Variants in ALDH1L1 observed in about 807,000 individuals in gnomAD.
ALDH1L1 encodes the protein aldehyde dehydrogenase 1 family member L1, also known as cytosolic 10-formyltetrahydrofolate dehydrogenase.
Under a neutral mutation model 101.1 loss-of-function variants are expected in ALDH1L1, and 68 were observed. That is an observed-to-expected ratio of 0.67 (90% CI 0.55 to 0.82). ALDH1L1 has a LOEUF of 0.82. Ranked by LOEUF, ALDH1L1 falls within the 40% of genes least tolerant of loss-of-function variation. The pLI is 0.00. For synonymous variants in ALDH1L1, 486 were observed against 470.8 expected (o/e 1.03, Z -0.42); for missense variants, 1,087 against 1,172.7 (o/e 0.93, Z 1.07).
intron 14 of ALDH1L1, chr3:126,129,542 T>G (rs1292011497): frequency 6.6e-6 from 1 of 152,386 alleles, no homozygotes; most frequent in Non-Finnish European, 1.5e-5. Flanking sequence ...AGATCATGGA[T>G]CAGGGCTGCA....
chr3:126,124,645 A>C (rs908745360), intron 15 of ALDH1L1, among the ~76,000 whole-genome samples, 194 bp from the exon 16 acceptor site: 1 of 152,194 alleles, frequency 6.6e-6, no homozygotes, highest in Non-Finnish European at 1.5e-5. Context: ...CCACAGCACC[A>C]GCTGGGAATC....
In ALDH1L1 at chr3:126,137,663, G is replaced by A. The variant is rs575011783; in HGVS notation, c.1224+150C>T. 4.0e-5 allele frequency: 45 copies of A among 1,127,302 alleles called. 1 individual carries two copies. In the South Asian group the frequency reaches 4.3e-4, roughly 11 times the overall value. 69.8% of individuals were successfully genotyped at this position (1,127,302 alleles called of 1,614,324 possible). A position where few individuals can be genotyped will look rare whatever the true frequency, so the allele number is the denominator to read the frequency against. The stretch of plus-strand genomic sequence containing the variant: ...TGTACTGACATCCCCAGGCTATCCC[G>A]GGTGCAGGGAGAGTGTGGGAAACTG... On this transcript the variant is annotated intron_variant, in intron 10 of 22. Transcript: ENST00000393434.
chr3:126,142,329 C>T (rs981223612), intron 9 of ALDH1L1, among the ~76,000 whole-genome samples: 1 of 152,192 alleles, frequency 6.6e-6, no homozygotes, highest in African/African-American at 2.4e-5. Flanking sequence ...GAGAACACAT[C>T]TTCAACTCTG....
intron 19 of ALDH1L1, among the ~76,000 whole-genome samples, chr3:126,110,490 G>C (rs1396634802): frequency 2.0e-5 from 3 of 152,148 alleles, no homozygotes; most frequent in African/African-American, 7.2e-5. Flanking sequence ...TGTTTGTCCG[G>C]GGGACTCCAG....
At chr3:126,149,282 A>G (rs144787917) in intron 8 of ALDH1L1, among the ~76,000 whole-genome samples, 58 of 152,326 alleles carry the variant, frequency 3.8e-4, no homozygotes, top group African/African-American at 1.4e-3. Context: ...AAACCTCTTC[A>G]TGTGTGTTAT....
chr3:126,112,454 T>C (rs189184885), intron 19 of ALDH1L1, among the ~76,000 whole-genome samples: 41 of 152,326 alleles, frequency 2.7e-4, no homozygotes, highest in African/African-American at 9.6e-4. Flanking sequence ...CTCTTCTCTT[T>C]CCAGGCTTCA....
At chr3:126,104,151 G>C in intron 22 of ALDH1L1, 1 of 472,614 alleles carries the variant, frequency 2.1e-6, no homozygotes. Flanking sequence ...GGAGAGACTT[G>C]GCGTTACTGC....
intron 7 of ALDH1L1, chr3:126,151,908 G>A: frequency 6.3e-6 from 1 of 157,960 alleles, no homozygotes. Flanking sequence ...AGTGGACAAA[G>A]CTCTTGTGAG....
chr3:126,138,298 C>T (rs2080495345), intron 9 of ALDH1L1, among the ~76,000 whole-genome samples: 1 of 151,994 alleles, frequency 6.6e-6, no homozygotes, highest in African/African-American at 2.4e-5. Context: ...TAATAATTAG[C>T]AGATTAATAA....
At chr3:126,120,841 C>T (rs1034653664) in intron 16 of ALDH1L1, among the ~76,000 whole-genome samples, 1 of 151,908 alleles carries the variant, frequency 6.6e-6, no homozygotes, top group African/African-American at 2.4e-5. Context: ...GAAATATTTG[C>T]AAAAAGGTAT....
chr3:126,106,343 C>A (rs1200772895), intron 21 of ALDH1L1, among the ~76,000 whole-genome samples: 1 of 152,144 alleles, frequency 6.6e-6, no homozygotes, highest in Non-Finnish European at 1.5e-5. Flanking sequence ...CACTGACATA[C>A]GATGATAATT....
intron 1 of ALDH1L1, among the ~76,000 whole-genome samples, chr3:126,167,268 G>A (rs1188683110): frequency 1.3e-5 from 2 of 152,014 alleles, no homozygotes; most frequent in African/African-American, 4.8e-5. Context: ...AAGGAACCAG[G>A]GCTTAGTGCC....
intron 1 of ALDH1L1, among the ~76,000 whole-genome samples, chr3:126,178,758 G>A (rs1253574352): frequency 1.3e-5 from 2 of 152,006 alleles, no homozygotes; most frequent in Non-Finnish European, 2.9e-5. Flanking sequence ...GTGTGTGTGT[G>A]TGTGTGTGTC....
At position 126,137,885 on chromosome 3, in the gene ALDH1L1, A is replaced by G. The variant is rs34720838; in HGVS notation, c.1152T>C (p.Phe384=). ...TCACTAACAGCTGGATGAAGTCCCC[A>G]AAGGTGGATGCCATGTACACATCTT... The part of the protein sequence containing the change: ...ENEDVYMAST[F]GDFIQLLVRK... The change falls in exon 10 of 23, where the codon TTT becomes TTC. Residue 384 remains phenylalanine, a synonymous_variant. Transcript: ENST00000393434. 1.4e-3 allele frequency: 2,227 copies of G among 1,614,186 alleles called. 24 individuals carry two copies. The African/African-American group carries it at 0.027, about 19-fold the overall frequency.
chr3:126,124,110 GACACACACACACACAC>G (rs3841921), intron 16 of ALDH1L1, among the ~76,000 whole-genome samples: 22,870 of 148,866 alleles, frequency 0.15, 2,309 homozygotes, highest in African/African-American at 0.3. Flanking sequence ...AGGGCGCGCG[GACACACACACACACAC>G]ACACACACAC....
intron 16 of ALDH1L1, among the ~76,000 whole-genome samples, chr3:126,123,700 A>G (rs1472403765): frequency 6.6e-6 from 1 of 151,760 alleles, no homozygotes; most frequent in Non-Finnish European, 1.5e-5. Context: ...AGCAAGGGGG[A>G]AACTATAAAA....
chr3:126,120,601 C>T (rs766135251), intron 16 of ALDH1L1, among the ~76,000 whole-genome samples: 7 of 152,070 alleles, frequency 4.6e-5, no homozygotes, highest in African/African-American at 9.7e-5. Flanking sequence ...CTACGGACTT[C>T]GGGGGATAAT....
intron 10 of ALDH1L1, among the ~76,000 whole-genome samples, chr3:126,137,195 T>C (rs1222317831): frequency 6.6e-6 from 1 of 152,150 alleles, no homozygotes; most frequent in Non-Finnish European, 1.5e-5. Context: ...GCCCCAGACA[T>C]GCTACAACCC....
At chr3:126,115,850 C>T (rs758816383) in intron 17 of ALDH1L1, among the ~76,000 whole-genome samples, 6 of 151,840 alleles carry the variant, frequency 4.0e-5, no homozygotes, top group Non-Finnish European at 7.4e-5. Flanking sequence ...GCTGGGATTA[C>T]AGGCATGAGC....
Sources: gnomAD v4.1 joint callset for allele counts (sites outside exome capture counted in the v4.1 genomes callset) on GRCh38, gnomAD v4.1.1 for gene constraint, MANE v1.5 for transcripts, NCBI Gene and HGNC (gene_info 2026-07-23, HGNC 2026-07-21) for gene names.